Variants in SLC44A3 observed in about 807,000 individuals in gnomAD.
SLC44A3 encodes solute carrier family 44 member 3, also known as choline transporter-like protein 3.
In SLC44A3, 74 loss-of-function variants were observed where a neutral mutation model predicts 75.4. The ratio of observed to expected loss-of-function variants is 0.98; its 90% CI spans 0.81 to 1.19. The LOEUF (loss-of-function observed/expected upper bound fraction) is 1.19. Among genes scored for constraint, SLC44A3 ranks in the 50% most tolerant of loss-of-function variants. The pLI is 0.00. For missense variants in SLC44A3, 700 were observed against 778.6 expected, an observed-to-expected ratio of 0.90 and a Z score of 1.20; for synonymous variants, 310 against 296.9, an observed-to-expected ratio of 1.04 and a Z score of -0.45.
intron 9 of SLC44A3, among the ~76,000 whole-genome samples, chr1:94,849,750 T>C (rs76365719): frequency 0.027 from 4,175 of 152,222 alleles, 83 homozygotes; most frequent in Non-Finnish European, 0.04. Context: ...TTGTTTGTTT[T>C]TGTGTTTTGT....
chr1:94,864,564 GAATTA>G (rs1224812458), intron 10 of SLC44A3, among the ~76,000 whole-genome samples, 174 bp from the exon 11 acceptor site: 1 of 152,000 alleles, frequency 6.6e-6, no homozygotes, highest in Non-Finnish European at 1.5e-5. Context: ...GCACCAAAAC[GAATTA>G]AATTAATACA....
intron 2 of SLC44A3, among the ~76,000 whole-genome samples, chr1:94,823,659 G>T (rs539143285): frequency 2.4e-4 from 36 of 152,274 alleles, no homozygotes; most frequent in South Asian, 1.0e-3. Flanking sequence ...ATGTACCTTT[G>T]CAGCATAAGG....
intron 9 of SLC44A3, among the ~76,000 whole-genome samples, chr1:94,854,713 C>G (rs772197076): frequency 1.7e-4 from 26 of 151,654 alleles, no homozygotes; most frequent in Non-Finnish European, 3.2e-4. Flanking sequence ...ACCAATGGTT[C>G]TCAAGCCCCC....
intron 10 of SLC44A3, among the ~76,000 whole-genome samples, chr1:94,863,107 G>A (rs1269263623): frequency 6.6e-6 from 1 of 152,114 alleles, no homozygotes; most frequent in Admixed American, 6.5e-5. Flanking sequence ...TTGAGGGCAG[G>A]TATTGAGTGA....
intron 14 of SLC44A3, 75 bp from the exon 15 acceptor site, chr1:94,894,743 A>T (rs1377526983): frequency 8.1e-6 from 10 of 1,229,620 alleles, no homozygotes; most frequent in East Asian, 5.1e-5. Flanking sequence ...GCAAAGGAGA[A>T]GTTTTCCCTC....
At chr1:94,869,796 A>G (rs1667560556) in intron 12 of SLC44A3, among the ~76,000 whole-genome samples, 1 of 152,238 alleles carries the variant, frequency 6.6e-6, no homozygotes, top group South Asian at 2.1e-4. Context: ...ATTTCCTTGC[A>G]TTGGAATGAC....
At chr1:94,874,420 G>A (rs1221211453) in intron 12 of SLC44A3, among the ~76,000 whole-genome samples, 1 of 152,236 alleles carries the variant, frequency 6.6e-6, no homozygotes, top group Non-Finnish European at 1.5e-5. Flanking sequence ...TTAGTGCTCA[G>A]TCCTTTGGGG....
chr1:94,891,131 A>G lies in SLC44A3; in HGVS notation c.1484A>G (p.Asn495Ser), dbSNP rs781229109. The change falls in exon 13 of 15, where the codon AAT becomes AGT. Residue 495 changes from asparagine to serine, a missense_variant and splice_region_variant. Transcript: ENST00000271227. ...LDKYLLHLNQ[N>S]AYTTTAINGT... ...TTAAACAATTCTCTTCTGTTTCAGA[A>G]TGCATATACTACAACTGCTATTAAT... 2 of 1,595,556 alleles carry G rather than the reference A, an allele frequency of 1.3e-6. No individual in the cohort carries two copies. Among genetic ancestry groups the G allele is most frequent in the African/African-American group, 2.7e-5 (2 of 73,724 alleles).
At chr1:94,833,937 A>G (rs1185145092) in intron 5 of SLC44A3, among the ~76,000 whole-genome samples, 6 of 152,222 alleles carry the variant, frequency 3.9e-5, no homozygotes, top group African/African-American at 1.2e-4. Flanking sequence ...TGATGTGAGT[A>G]ACTTTGGAAA....
In SLC44A3 at chr1:94,884,121, C is replaced by A. The variant is rs373464938; in HGVS notation, c.1483-7009C>A. ...TTTTAAAAGAGCAAACAAAATAGCACGACCCTGTTCGTGGCTTCATAGGCA... is the reference window on the plus strand; with the variant it reads ...TTTTAAAAGAGCAAACAAAATAGCAAGACCCTGTTCGTGGCTTCATAGGCA... On this transcript the variant is annotated intron_variant, in intron 12 of 14. Transcript: ENST00000271227. 5.3e-5 allele frequency among the ~76,000 whole-genome samples: 8 copies of A among 152,344 alleles called. No individual in the cohort carries two copies. In the South Asian group the frequency reaches 1.7e-3, roughly 32 times the overall value.
chr1:94,850,094 T>C (rs1665007824), intron 9 of SLC44A3, among the ~76,000 whole-genome samples: 2 of 152,148 alleles, frequency 1.3e-5, no homozygotes, highest in South Asian at 4.2e-4. Context: ...TTAAAAAAAA[T>C]AGGAGTGAAC....
At chr1:94,839,873 G>A in intron 6 of SLC44A3, 75 bp from the exon 7 acceptor site, 1 of 1,033,378 alleles carries the variant, frequency 9.7e-7, no homozygotes, top group South Asian at 1.3e-5. Context: ...GGAGGGTTTT[G>A]TCATCGCAGT....
chr1:94,895,071 G>C lies in SLC44A3; in HGVS notation c.*149G>C, dbSNP rs1023971473. The C allele has an allele frequency of 5.0e-6, 3 of 604,820 alleles. No individual in the cohort carries two copies. The African/African-American group carries it at 5.6e-5, about 11-fold the overall frequency. The allele number at this position is 604,820 out of a possible 1,614,324, so 37.5% of individuals were successfully genotyped here. On this transcript the variant is annotated 3_prime_UTR_variant, in exon 15 of 15. Coordinates refer to ENST00000271227, the MANE Select transcript of SLC44A3 (RefSeq NM_001114106.3). Reference sequence around the variant, plus strand: ...CTTCCTCATTGTCTTTGTCATTATTGTTTGACCAGGTAACAATACTGGAAC... The same window carrying C: ...CTTCCTCATTGTCTTTGTCATTATTCTTTGACCAGGTAACAATACTGGAAC...
intron 13 of SLC44A3, among the ~76,000 whole-genome samples, 179 bp from the exon 14 acceptor site, chr1:94,892,102 G>C (rs893344359): frequency 1.3e-5 from 2 of 149,370 alleles, no homozygotes; most frequent in African/African-American, 4.9e-5. Flanking sequence ...GTTTCCTTTT[G>C]ATACAGCTTT....
At chr1:94,823,752 C>T (rs574624911) in intron 2 of SLC44A3, among the ~76,000 whole-genome samples, 169 of 152,162 alleles carry the variant, frequency 1.1e-3, no homozygotes, top group African/African-American at 3.8e-3. Flanking sequence ...TAAATGGTAT[C>T]CTATATATTG....
chr1:94,845,500 A>G, intron 9 of SLC44A3, 36 bp downstream of exon 9: 1 of 1,563,738 alleles, frequency 6.4e-7, no homozygotes, highest in Non-Finnish European at 8.6e-7. Flanking sequence ...ATCACCTTGG[A>G]GTCATACACA....
At position 94,822,386 on chromosome 1, in the gene SLC44A3, CTGTTT is replaced by C. The variant is rs1231836316; in HGVS notation, c.135+1332_135+1336del. Among the ~76,000 whole-genome samples the C allele has an allele frequency of 4.2e-4, 64 of 152,358 alleles. 1 individual carries two copies. Among genetic ancestry groups the C allele is most frequent in the African/African-American group, 1.5e-3 (63 of 41,584 alleles). On this transcript the variant is annotated intron_variant, in intron 2 of 14. Coordinates refer to ENST00000271227, the MANE Select transcript of SLC44A3 (RefSeq NM_001114106.3). ...ATATCCAAGTTCTCACTATGGCATT[CTGTTT>C]TAAGAGTCAGAGTCCTTTCTTAGCT... is the stretch of plus-strand genomic sequence containing the variant.
chr1:94,837,653 T>C, intron 5 of SLC44A3, 58 bp from the exon 6 acceptor site: 1 of 1,486,928 alleles, frequency 6.7e-7, no homozygotes, highest in African/African-American at 1.4e-5. Context: ...TAAATAAACA[T>C]CTTTTAAAGA....
chr1:94,882,438 C>T (rs1053313035), intron 12 of SLC44A3, among the ~76,000 whole-genome samples: 7 of 152,198 alleles, frequency 4.6e-5, no homozygotes, highest in Admixed American at 3.3e-4. Context: ...CCCCGTCCTC[C>T]GTGTTTCCCA....
Sources: gnomAD v4.1 joint callset for allele counts (sites outside exome capture counted in the v4.1 genomes callset) on GRCh38, gnomAD v4.1.1 for gene constraint, MANE v1.5 for transcripts, NCBI Gene and HGNC (gene_info 2026-07-23, HGNC 2026-07-21) for gene names.